The following EIF4G3 variants were observed in gnomAD, a reference collection of about 807,000 sequenced individuals.
EIF4G3 encodes eIF-4-gamma 3.
In EIF4G3, 34 loss-of-function variants were observed where a neutral mutation model predicts 186.4. The ratio of observed to expected loss-of-function variants is 0.18; its 90% CI spans 0.14 to 0.24. The LOEUF (loss-of-function observed/expected upper bound fraction) is 0.24. Among genes scored for constraint, EIF4G3 ranks in the 10% least tolerant of loss-of-function variants. EIF4G3 has a pLI of 1.00. For synonymous variants in EIF4G3, 673 were observed against 679.5 expected, an observed-to-expected ratio of 0.99 and a Z score of 0.15; for missense variants, 1,536 against 1,948.5, an observed-to-expected ratio of 0.79 and a Z score of 3.99.
chr1:20,879,292 T>G, intron 20 of EIF4G3, 31 bp downstream of exon 20: 9 of 1,531,698 alleles, frequency 5.9e-6, no homozygotes, highest in Non-Finnish European at 7.9e-6. Context: ...CTCTTGAAGA[T>G]TTCTCGTTTT....
At chr1:20,931,855 G>A (rs552096540) in intron 14 of EIF4G3, among the ~76,000 whole-genome samples, 1 of 152,158 alleles carries the variant, frequency 6.6e-6, no homozygotes, top group South Asian at 2.1e-4. Context: ...AACCCGGGAG[G>A]CGGAGGTTGC....
chr1:21,004,491 TCATTTATCTTTCC>T (rs1242873291), intron 4 of EIF4G3, among the ~76,000 whole-genome samples: 2 of 152,030 alleles, frequency 1.3e-5, no homozygotes, highest in Non-Finnish European at 2.9e-5. Flanking sequence ...TTTGGGCAAC[TCATTTATCTTTCC>T]CACGAATGTA....
At chr1:20,991,092 A>G (rs1367067663) in intron 7 of EIF4G3, among the ~76,000 whole-genome samples, 1 of 152,226 alleles carries the variant, frequency 6.6e-6, no homozygotes, top group Non-Finnish European at 1.5e-5. Context: ...TGTCAATTTG[A>G]TAATCTGTTA....
intron 19 of EIF4G3, among the ~76,000 whole-genome samples, chr1:20,885,020 C>CT (rs770670285): frequency 2.2e-4 from 33 of 152,162 alleles, no homozygotes; most frequent in Admixed American, 1.1e-3. Context: ...AGCGTGCAAC[C>CT]TAGATCGCTT....
At chr1:21,036,740 G>T (rs183665090) in intron 4 of EIF4G3, among the ~76,000 whole-genome samples, 1 of 152,198 alleles carries the variant, frequency 6.6e-6, no homozygotes, top group African/African-American at 2.4e-5. Flanking sequence ...AATTAGCCAG[G>T]TGTGGTGGCA....
chr1:21,142,980 G>T (rs531240549), intron 2 of EIF4G3, among the ~76,000 whole-genome samples: 1 of 152,254 alleles, frequency 6.6e-6, no homozygotes, highest in Non-Finnish European at 1.5e-5. Flanking sequence ...CAAATGTGGT[G>T]GCTCATGCCT....
At chr1:20,863,151 T>C (rs1284651529) in intron 22 of EIF4G3, among the ~76,000 whole-genome samples, 3 of 152,180 alleles carry the variant, frequency 2.0e-5, no homozygotes, top group East Asian at 3.9e-4. Context: ...TTTTCTAGGC[T>C]CCTGGCAGCT....
At chr1:20,813,318 C>A in intron 34 of EIF4G3, 79 bp from the exon 35 acceptor site, 1 of 954,258 alleles carries the variant, frequency 1.0e-6, no homozygotes, top group Non-Finnish European at 1.6e-6. Flanking sequence ...AATCCCAACA[C>A]TTTGGGAGGC....
At chr1:21,039,061 C>A (rs2093409884) in intron 4 of EIF4G3, among the ~76,000 whole-genome samples, 1 of 152,074 alleles carries the variant, frequency 6.6e-6, no homozygotes, top group African/African-American at 2.4e-5. Context: ...TACAAAGCTA[C>A]AAGAATCAAG....
intron 2 of EIF4G3, among the ~76,000 whole-genome samples, chr1:21,132,214 T>A (rs2097165688): frequency 6.6e-6 from 1 of 152,112 alleles, no homozygotes; most frequent in African/African-American, 2.4e-5. Flanking sequence ...TTCAAACATT[T>A]TCCTTAACAT....
intron 3 of EIF4G3, among the ~76,000 whole-genome samples, chr1:21,054,710 A>G (rs2094483109): frequency 6.6e-6 from 1 of 152,168 alleles, no homozygotes; most frequent in Admixed American, 6.5e-5. Context: ...GAATTCACTC[A>G]GTCAAAAGGT....
At chr1:21,084,231 T>TAA (rs763945357) in intron 3 of EIF4G3, among the ~76,000 whole-genome samples, 112 of 131,252 alleles carry the variant, frequency 8.5e-4, no homozygotes, top group African/African-American at 2.8e-3. Flanking sequence ...CTGTGTAATT[T>TAA]AAAAAAAAAA....
At chr1:21,021,146 G>T (rs1302973451) in intron 4 of EIF4G3, among the ~76,000 whole-genome samples, 1 of 152,102 alleles carries the variant, frequency 6.6e-6, no homozygotes, top group Non-Finnish European at 1.5e-5. Flanking sequence ...ACCACCCCCA[G>T]TTAATTTTTG....
chr1:20,988,906 C>G (rs928692192), intron 7 of EIF4G3, among the ~76,000 whole-genome samples: 2 of 150,994 alleles, frequency 1.3e-5, no homozygotes, highest in Non-Finnish European at 2.9e-5. Flanking sequence ...ATTGCTGATG[C>G]CATTAAGAAT....
At chr1:20,906,895 T>C (rs2092272806) in intron 14 of EIF4G3, among the ~76,000 whole-genome samples, 1 of 151,486 alleles carries the variant, frequency 6.6e-6, no homozygotes, top group African/African-American at 2.4e-5. Context: ...CTACAATTAC[T>C]GATAGAAAGG....
intron 4 of EIF4G3, among the ~76,000 whole-genome samples, chr1:21,044,069 T>C (rs1365521086): frequency 6.6e-5 from 10 of 152,230 alleles, no homozygotes; most frequent in Non-Finnish European, 1.2e-4. Context: ...TAGAAAAGCC[T>C]ACCATGATTC....
At chr1:20,865,337 G>T in intron 20 of EIF4G3, 75 bp from the exon 21 acceptor site, 2 of 1,523,238 alleles carry the variant, frequency 1.3e-6, no homozygotes, top group Non-Finnish European at 1.8e-6. Context: ...TTGCTTTATT[G>T]TATGAAATAA....
chr1:21,144,930 T>C (rs994325759), intron 2 of EIF4G3, among the ~76,000 whole-genome samples: 2 of 152,154 alleles, frequency 1.3e-5, no homozygotes, highest in African/African-American at 4.8e-5. Flanking sequence ...CCTTGTTAAA[T>C]AGTCTAATTC....
rs142354740 is a variant in EIF4G3, at chr1:21,173,076, T to C, written c.-272+3099A>G. ...ATCGTTTGAACCCAAGAGGCGGAGG[T>C]TGCAGTGAGCCAAGATCATGCCACT... is the stretch of plus-strand genomic sequence containing the variant. On this transcript the variant is annotated intron_variant, in intron 2 of 36. Transcript: ENST00000602326. Among the ~76,000 whole-genome samples the C allele has an allele frequency of 5.9e-3, 729 of 123,432 alleles. 7 individuals are homozygous for C. Among genetic ancestry groups the C allele is most frequent in the African/African-American group, 0.021 (700 of 32,824 alleles). The allele number at this position is 123,432 out of a possible 152,430, so 81.0% of individuals were successfully genotyped here. A position where few individuals can be genotyped will look rare whatever the true frequency, so the allele number is the denominator to read the frequency against.
Sources: gnomAD v4.1 joint callset for allele counts (sites outside exome capture counted in the v4.1 genomes callset) on GRCh38, gnomAD v4.1.1 for gene constraint, MANE v1.5 for transcripts, NCBI Gene and HGNC (gene_info 2026-07-23, HGNC 2026-07-21) for gene names.